Variants in TLL1 observed in about 807,000 individuals in gnomAD.
The protein encoded by TLL1 is tolloid like 1.
TLL1 carries 49 observed loss-of-function variants against 128.2 expected under a neutral mutation model. The observed-to-expected ratio is 0.38, with a 90% CI of 0.30 to 0.48. The LOEUF (loss-of-function observed/expected upper bound fraction) is 0.48. TLL1 is among the 20% of genes least tolerant of loss of function. TLL1 has a pLI of 0.96. For synonymous variants in TLL1, 454 were observed against 418.8 expected (o/e 1.08, Z -1.03); for missense variants, 1,123 against 1,242.0 (o/e 0.90, Z 1.44).
At chr4:165,939,151 G>C (rs1733889958) in intron 1 of TLL1, among the ~76,000 whole-genome samples, 1 of 152,012 alleles carries the variant, frequency 6.6e-6, no homozygotes, top group Admixed American at 6.6e-5. Context: ...CTTCATCGTA[G>C]AGTGATTGAA....
Position 165,989,366 on chromosome 4 carries a change from C to T in TLL1, c.170-15C>T. On this transcript the variant is annotated splice_polypyrimidine_tract_variant and intron_variant, in intron 1 of 20. Transcript: ENST00000061240. Reference sequence around the variant, plus strand: ...GGAAATATTTTACATTTTAATTCAACTTTTCTTTTTTTAGCTGTATTTTGG... The same window carrying T: ...GGAAATATTTTACATTTTAATTCAATTTTTCTTTTTTTAGCTGTATTTTGG... 6.4e-7 allele frequency: 1 copy of T among 1,570,378 alleles called. No homozygotes were observed. Among genetic ancestry groups the T allele is most frequent in the Non-Finnish European group, 8.8e-7 (1 of 1,142,034 alleles).
intron 5 of TLL1, among the ~76,000 whole-genome samples, chr4:166,001,345 T>C (rs1170711501): frequency 6.6e-6 from 1 of 152,130 alleles, no homozygotes; most frequent in Non-Finnish European, 1.5e-5. Flanking sequence ...TATTATGCCA[T>C]TTAAAATTTA....
chr4:166,070,788 C>T (rs1022723178), intron 16 of TLL1, among the ~76,000 whole-genome samples: 4 of 151,736 alleles, frequency 2.6e-5, no homozygotes, highest in East Asian at 1.9e-4. Context: ...TGTAAGTGTC[C>T]TTCTTGTCCA....
At chr4:165,923,020 A>G (rs890591153) in intron 1 of TLL1, among the ~76,000 whole-genome samples, 1 of 152,164 alleles carries the variant, frequency 6.6e-6, no homozygotes, top group African/African-American at 2.4e-5. Context: ...TCTTGGAAAC[A>G]TTACAAAAAA....
At chr4:165,894,012 G>T (rs758835510) in intron 1 of TLL1, among the ~76,000 whole-genome samples, 30 of 152,022 alleles carry the variant, frequency 2.0e-4, no homozygotes, top group Non-Finnish European at 3.5e-4. Flanking sequence ...AAAAAATCCT[G>T]GAAACAATGG....
chr4:165,920,405 A>G (rs776023727), intron 1 of TLL1, among the ~76,000 whole-genome samples: 1 of 152,240 alleles, frequency 6.6e-6, no homozygotes, highest in Non-Finnish European at 1.5e-5. Context: ...ACAGCTTTAT[A>G]TCATTTCAAT....
intron 1 of TLL1, among the ~76,000 whole-genome samples, chr4:165,979,604 G>A (rs747650514): frequency 1.3e-5 from 2 of 152,016 alleles, no homozygotes; most frequent in Non-Finnish European, 2.9e-5. Context: ...GATAAGGTAA[G>A]AACTATTCTA....
intron 8 of TLL1, among the ~76,000 whole-genome samples, chr4:166,022,925 C>A (rs1738309852): frequency 6.6e-6 from 1 of 152,252 alleles, no homozygotes; most frequent in South Asian, 2.1e-4. Flanking sequence ...ATTCTTTATG[C>A]TTTTACTTTC....
At position 165,934,124 on chromosome 4, in the gene TLL1, G is replaced by A. The variant is rs539901250; in HGVS notation, c.170-55257G>A. Among the ~76,000 whole-genome samples, 1,005 of 150,474 alleles carry A rather than the reference G, an allele frequency of 6.7e-3. 10 individuals carry two copies. The highest frequency in any genetic ancestry group is 0.023 in the African/African-American group (957 of 40,962). ...AGTGATTCTCCTGCCTCAGCCTCCC[G>A]AGTAGCTGGGATTACAGGTGCCTGC... is the stretch of plus-strand genomic sequence containing the variant. On this transcript the variant is annotated intron_variant, in intron 1 of 20. Coordinates refer to ENST00000061240, the MANE Select transcript of TLL1 (RefSeq NM_012464.5).
At chr4:166,068,200 A>G (rs1303589809) in intron 16 of TLL1, among the ~76,000 whole-genome samples, 5 of 151,754 alleles carry the variant, frequency 3.3e-5, no homozygotes, top group African/African-American at 1.2e-4. Flanking sequence ...TTAGTGGGAA[A>G]GATGTTTGCC....
rs1452918005 is a variant in TLL1, at chr4:166,042,095, C to T, written c.1330C>T (p.Arg444Cys). ...AGACAGCAGAATGTGGATTGAGTTT[C>T]GTAGCAGCAGTAATTGGGTAGGAAA... is the stretch of plus-strand genomic sequence containing the variant. The part of the protein sequence containing the change: ...STDSRMWIEF[R>C]SSSNWVGKGF... The change falls in exon 11 of 21, where the codon CGT (arginine) becomes TGT (cysteine). Residue 444 changes from arginine (R) to cysteine (C), a missense_variant. Arg to Cys is a radical substitution (Grantham distance 180). Around this residue, in one of 3 missense-constraint regions of TLL1, gnomAD observed 9 missense variants for 27.2 expected, o/e 0.33. Coordinates refer to ENST00000061240, the MANE Select transcript of TLL1 (RefSeq NM_012464.5). 4 of 1,612,286 alleles carry T rather than the reference C, an allele frequency of 2.5e-6. No homozygotes were observed. The highest frequency in any genetic ancestry group is 2.2e-5 in the East Asian group (1 of 44,760).
At chr4:165,929,454 G>A (rs1022220082) in intron 1 of TLL1, among the ~76,000 whole-genome samples, 6 of 151,656 alleles carry the variant, frequency 4.0e-5, no homozygotes, top group Non-Finnish European at 7.4e-5. Context: ...CAGGAGAACC[G>A]CTTGACCCCA....
At position 166,103,700 on chromosome 4, in the gene TLL1, C is replaced by G. The variant is rs529788135; in HGVS notation, c.*2824C>G. The G allele has an allele frequency of 2.0e-4, 30 of 151,764 alleles. No individual in the cohort carries two copies. The highest frequency in any genetic ancestry group is 5.3e-4 in the African/African-American group (22 of 41,492). 9.4% of individuals were successfully genotyped at this position (151,764 alleles called of 1,614,324 possible). The stretch of plus-strand genomic sequence containing the variant: ...GTGTGTTGTTAAATGAAAGTACAGA[C>G]AGCTTCATTGTTGTATTGTTAATAA... On this transcript the variant is annotated 3_prime_UTR_variant, in exon 21 of 21. Coordinates refer to ENST00000061240, the MANE Select transcript of TLL1 (RefSeq NM_012464.5).
chr4:165,984,533 A>G lies in TLL1; in HGVS notation c.170-4848A>G, dbSNP rs75007691. 3.1e-3 allele frequency among the ~76,000 whole-genome samples: 464 copies of G among 152,082 alleles called. 11 individuals are homozygous for G. In the East Asian group the frequency reaches 0.042, roughly 14 times the overall value. ...GCCTTCATTGTGAGCAAGACCGGTC[A>G]GAGCAGCCTTTTCAGACCTTCACAT... On this transcript the variant is annotated intron_variant, in intron 1 of 20. Transcript: ENST00000061240.
intron 1 of TLL1, among the ~76,000 whole-genome samples, chr4:165,886,164 A>T (rs1394731055): frequency 3.3e-5 from 5 of 152,160 alleles, no homozygotes; most frequent in African/African-American, 1.2e-4. Context: ...TAGGTAGTGT[A>T]ATTGAATTAA....
intron 1 of TLL1, among the ~76,000 whole-genome samples, chr4:165,962,693 G>A (rs117253615): frequency 2.0e-5 from 3 of 152,192 alleles, no homozygotes; most frequent in East Asian, 3.9e-4. Flanking sequence ...TAAAGAAAAC[G>A]TGGTACATAT....
intron 1 of TLL1, among the ~76,000 whole-genome samples, chr4:165,922,415 G>T (rs1347440344): frequency 6.6e-6 from 1 of 151,938 alleles, no homozygotes; most frequent in Non-Finnish European, 1.5e-5. Context: ...AGAAAATTGG[G>T]GTTGCTTCTT....
At chr4:165,894,099 G>A (rs1304076906) in intron 1 of TLL1, among the ~76,000 whole-genome samples, 2 of 152,048 alleles carry the variant, frequency 1.3e-5, no homozygotes. Flanking sequence ...TGCTGGAGAG[G>A]GGATAGATTG....
intron 18 of TLL1, among the ~76,000 whole-genome samples, chr4:166,085,814 T>C (rs1741484182): frequency 6.6e-6 from 1 of 152,112 alleles, no homozygotes; most frequent in East Asian, 1.9e-4. Flanking sequence ...CCTATTCAGT[T>C]TAGAAGCAAG....
Sources: gnomAD v4.1 joint callset for allele counts (sites outside exome capture counted in the v4.1 genomes callset) on GRCh38, gnomAD v4.1.1 for gene constraint, gnomAD v4.1.1 regional missense constraint, MANE v1.5 for transcripts, NCBI Gene and HGNC (gene_info 2026-07-23, HGNC 2026-07-21) for gene names.